Variants in LOC128706665 observed in about 807,000 individuals in gnomAD.
the LOC128706665 span, among the ~76,000 whole-genome samples, chr20:10,428,040 G>C: frequency 6.6e-6 from 1 of 152,222 alleles, no homozygotes; most frequent in Non-Finnish European, 1.5e-5. Context: ...TAATGTATTT[G>C]TAAATAAAAA....
chr20:10,427,374 A>T, the LOC128706665 span, among the ~76,000 whole-genome samples: 2 of 152,224 alleles, frequency 1.3e-5, no homozygotes, highest in Admixed American at 1.3e-4. Context: ...TGTAATTTTT[A>T]AAAACTTCCA....
the LOC128706665 span, among the ~76,000 whole-genome samples, chr20:10,417,177 G>T: frequency 6.7e-6 from 1 of 148,394 alleles, no homozygotes; most frequent in Admixed American, 6.8e-5. Context: ...CTTCAACCCA[G>T]AAGGCAGAGG....
the LOC128706665 span, among the ~76,000 whole-genome samples, chr20:10,427,081 A>G: frequency 2.1e-4 from 18 of 85,700 alleles, no homozygotes; most frequent in Admixed American, 1.6e-3. Flanking sequence ...CACACACACA[A>G]AGTAAGGTTA....
the LOC128706665 span, among the ~76,000 whole-genome samples, chr20:10,416,037 A>G: frequency 6.6e-6 from 1 of 152,200 alleles, no homozygotes; most frequent in African/African-American, 2.4e-5. Context: ...GTTTGGAAGT[A>G]TCAGTTCAGC....
chr20:10,423,369 CTGAGA>C, the LOC128706665 span, among the ~76,000 whole-genome samples: 4 of 152,176 alleles, frequency 2.6e-5, no homozygotes, highest in Admixed American at 2.0e-4. Flanking sequence ...CTGCGGTGAG[CTGAGA>C]TAACACCATT....
At chr20:10,419,648 T>C in the LOC128706665 span, among the ~76,000 whole-genome samples, 6 of 152,098 alleles carry the variant, frequency 3.9e-5, no homozygotes, top group Non-Finnish European at 8.8e-5. Flanking sequence ...TTTGGGTACA[T>C]TGTGAAGTAA....
chr20:10,421,057 T>G, the LOC128706665 span, among the ~76,000 whole-genome samples: 1 of 152,164 alleles, frequency 6.6e-6, no homozygotes, highest in African/African-American at 2.4e-5. Flanking sequence ...CACACATGCA[T>G]GGAGTGTTCT....
At chr20:10,414,451 G>C in the LOC128706665 span, among the ~76,000 whole-genome samples, 4 of 152,018 alleles carry the variant, frequency 2.6e-5, no homozygotes, top group Non-Finnish European at 5.9e-5. Context: ...TTTTAGTAGA[G>C]ATGGGGTTTC....
the LOC128706665 span, among the ~76,000 whole-genome samples, chr20:10,425,349 A>G: frequency 7.4e-3 from 1,133 of 152,316 alleles, 12 homozygotes; most frequent in African/African-American, 0.026. Context: ...TCAATGCTTT[A>G]TTGCAAAATA....
chr20:10,427,241 G>A, the LOC128706665 span, among the ~76,000 whole-genome samples: 3 of 152,130 alleles, frequency 2.0e-5, no homozygotes, highest in Non-Finnish European at 4.4e-5. Flanking sequence ...TGGATGCAGG[G>A]AATGTTACAT....
the LOC128706665 span, among the ~76,000 whole-genome samples, chr20:10,415,842 T>C: frequency 6.6e-6 from 1 of 152,162 alleles, no homozygotes; most frequent in Middle Eastern, 3.4e-3. Flanking sequence ...AGTACACATA[T>C]CTTTTGGCTA....
chr20:10,415,171 A>C, the LOC128706665 span, among the ~76,000 whole-genome samples: 1 of 152,230 alleles, frequency 6.6e-6, no homozygotes, highest in African/African-American at 2.4e-5. Flanking sequence ...TAAAAACGTT[A>C]GATCATAGAT....
the LOC128706665 span, among the ~76,000 whole-genome samples, chr20:10,414,267 T>C: frequency 6.8e-6 from 1 of 146,672 alleles, no homozygotes; most frequent in African/African-American, 2.5e-5. Context: ...CTCTGAGTCT[T>C]TTTTTTTTTT....
chr20:10,429,619 T>C, the LOC128706665 span, among the ~76,000 whole-genome samples: 2 of 152,200 alleles, frequency 1.3e-5, no homozygotes, highest in Admixed American at 1.3e-4. Context: ...TACTAAGCCA[T>C]TCAATTCAGA....
At chr20:10,416,009 G>A in the LOC128706665 span, among the ~76,000 whole-genome samples, 4 of 152,122 alleles carry the variant, frequency 2.6e-5, no homozygotes, top group Non-Finnish European at 5.9e-5. Flanking sequence ...AAACCACTGG[G>A]GCTGGTTTAT....
At chr20:10,413,890 C>A in the LOC128706665 span, 1 of 422,314 alleles carries the variant, frequency 2.4e-6, no homozygotes, top group Non-Finnish European at 4.2e-6. Context: ...TTTTTCATCT[C>A]TTCTTTCGAT....
the LOC128706665 span, among the ~76,000 whole-genome samples, chr20:10,418,606 G>T: frequency 6.6e-6 from 1 of 152,000 alleles, no homozygotes; most frequent in Non-Finnish European, 1.5e-5. Context: ...TGCTGCACTG[G>T]CATCTAAAAT....
the LOC128706665 span, among the ~76,000 whole-genome samples, chr20:10,418,844 A>T: frequency 1.3e-5 from 2 of 152,124 alleles, no homozygotes; most frequent in African/African-American, 4.8e-5. Flanking sequence ...AAGACTATAT[A>T]TATAAAAATC....
chr20:10,413,923 C>T, the LOC128706665 span: 3 of 410,352 alleles, frequency 7.3e-6, no homozygotes, highest in East Asian at 3.5e-5. Flanking sequence ...TTCAAAGCTG[C>T]TTCTTTACCT....
Sources: allele counts gnomAD v4.1 joint callset (sites outside exome capture counted in the v4.1 genomes callset), GRCh38; gene constraint gnomAD v4.1.1; transcripts MANE v1.5.